Variants in CCDC171 observed in about 807,000 individuals in gnomAD.
CCDC171 encodes the protein coiled-coil domain containing 171.
Under a neutral mutation model 168.2 loss-of-function variants are expected in CCDC171, and 177 were observed. The observed-to-expected ratio is 1.05, with a 90% CI of 0.93 to 1.19. The LOEUF (loss-of-function observed/expected upper bound fraction) is 1.19, where lower values mean the gene tolerates loss of function less well. Among genes scored for constraint, CCDC171 ranks in the 50% most tolerant of loss-of-function variants. The probability of loss-of-function intolerance (pLI) is 0.00; values close to 1 mark genes in which losing one functional copy is unlikely to be tolerated. For synonymous variants in CCDC171, 687 were observed against 540.8 expected, an observed-to-expected ratio of 1.27 and a Z score of -3.75; for missense variants, 1,991 against 1,539.0, an observed-to-expected ratio of 1.29 and a Z score of -4.91.
chr9:15,987,756 A>AT lies in CCDC171; in HGVS notation n.369-32825dup, dbSNP rs1299398593. Reference sequence around the variant, plus strand: ...GGATGAGAAGTGTTTTAGATTTGGGATTTTTTTTCACATTTTGGAATATTT... The same window carrying AT: ...GGATGAGAAGTGTTTTAGATTTGGGATTTTTTTTTCACATTTTGGAATATTT... On this transcript the variant is annotated intron_variant and non_coding_transcript_variant, in intron 3 of 9. Coordinates refer to the CCDC171 transcript ENST00000486641. Among the ~76,000 whole-genome samples, 10 of 152,126 alleles carry AT rather than the reference A, an allele frequency of 6.6e-5. 1 individual carries two copies. In the East Asian group the frequency reaches 1.2e-3, roughly 18 times the overall value.
At chr9:15,962,828 C>G (rs74361613) in intron 25 of CCDC171, among the ~76,000 whole-genome samples, 1,945 of 150,874 alleles carry the variant, frequency 0.013, 60 homozygotes, top group African/African-American at 0.044. Flanking sequence ...ATTCTTTTTT[C>G]CAGAAAAAAT....
intron 25 of CCDC171, chr9:15,922,301 A>G (rs1456922120): frequency 1.1e-5 from 2 of 183,106 alleles, no homozygotes; most frequent in Non-Finnish European, 2.5e-5. Flanking sequence ...TAAAAATAAT[A>G]AACTTGTGTG....
chr9:15,695,951 T>A (rs748474425), intron 11 of CCDC171, among the ~76,000 whole-genome samples: 7 of 152,234 alleles, frequency 4.6e-5, no homozygotes, highest in Non-Finnish European at 1.0e-4. Context: ...AATGGCTGGC[T>A]AATGAATTCT....
At chr9:15,861,932 G>C (rs1161574914) in intron 23 of CCDC171, among the ~76,000 whole-genome samples, 2 of 151,904 alleles carry the variant, frequency 1.3e-5, no homozygotes, top group Non-Finnish European at 1.5e-5. Context: ...GTCTGTTAGT[G>C]ATGAACTTCC....
chr9:15,802,886 G>A (rs1205480410), intron 21 of CCDC171, among the ~76,000 whole-genome samples: 1 of 152,074 alleles, frequency 6.6e-6, no homozygotes, highest in Admixed American at 6.6e-5. Flanking sequence ...GTATAAAAAT[G>A]TTCCTTTTTC....
intron 11 of CCDC171, among the ~76,000 whole-genome samples, chr9:15,719,889 G>T (rs1037389473): frequency 9.2e-5 from 14 of 151,512 alleles, no homozygotes; most frequent in African/African-American, 3.4e-4. Flanking sequence ...TTTTCATCTT[G>T]TGCAAGAGAG....
In CCDC171 at chr9:15,817,624, C is replaced by T. The variant is rs568009991; in HGVS notation, c.3268-29078C>T. Among the ~76,000 whole-genome samples the T allele has an allele frequency of 8.2e-4, 97 of 118,178 alleles. 27 individuals carry two copies. Among genetic ancestry groups the T allele is most frequent in the African/African-American group, 3.0e-3 (96 of 31,538 alleles). The allele number at this position is 118,178 out of a possible 152,430, so 77.5% of individuals were successfully genotyped here. On this transcript the variant is annotated intron_variant, in intron 21 of 25. Coordinates refer to ENST00000380701, the MANE Select transcript of CCDC171 (RefSeq NM_173550.4). Reference sequence around the variant, plus strand: ...AGCACAGCAGTCTGAGATCAAACTGCGAGGTGGCAGGGAGGCTGGGGGAGG... The same window carrying T: ...AGCACAGCAGTCTGAGATCAAACTGTGAGGTGGCAGGGAGGCTGGGGGAGG...
chr9:15,591,343 A>G (rs1186689065), intron 4 of CCDC171, 23 bp from the exon 5 acceptor site: 3 of 1,437,342 alleles, frequency 2.1e-6, no homozygotes, highest in African/African-American at 1.4e-5. Context: ...TTGTAAATGT[A>G]CCTATTATTC....
intron 21 of CCDC171, among the ~76,000 whole-genome samples, chr9:15,838,233 A>C (rs1026634560): frequency 6.6e-6 from 1 of 152,206 alleles, no homozygotes; most frequent in Non-Finnish European, 1.5e-5. Flanking sequence ...CATATTAAGG[A>C]AAACTATTAT....
chr9:15,767,729 A>G (rs536750840), intron 18 of CCDC171, among the ~76,000 whole-genome samples: 7 of 150,518 alleles, frequency 4.7e-5, no homozygotes, highest in Non-Finnish European at 7.4e-5. Context: ...GATGCCCATG[A>G]TATTACTCCT....
Position 15,700,962 on chromosome 9 carries a change from G to A in CCDC171, c.1318+5625G>A, listed in dbSNP as rs1393127933. Among the ~76,000 whole-genome samples, 3 of 151,632 alleles carry A rather than the reference G, an allele frequency of 2.0e-5. No homozygotes were observed. The East Asian group carries it at 5.8e-4, about 29-fold the overall frequency. On this transcript the variant is annotated intron_variant, in intron 11 of 25. Coordinates refer to ENST00000380701, the MANE Select transcript of CCDC171 (RefSeq NM_173550.4). The stretch of plus-strand genomic sequence containing the variant: ...CTGTGGTGAGATGATATCTCATTGT[G>A]CTTTTGATTTGCGTTTCCCTAATTT...
At chr9:15,788,577 C>A (rs919514915) in intron 21 of CCDC171, among the ~76,000 whole-genome samples, 1 of 150,080 alleles carries the variant, frequency 6.7e-6, no homozygotes, top group Non-Finnish European at 1.5e-5. Context: ...TGTTTTAAAT[C>A]ATATGTTTTT....
intron 18 of CCDC171, among the ~76,000 whole-genome samples, chr9:15,774,611 A>G (rs1365102244): frequency 6.6e-6 from 1 of 152,188 alleles, no homozygotes; most frequent in Non-Finnish European, 1.5e-5. Context: ...CTACATATCT[A>G]CTCAGAGGAA....
intron 1 of CCDC171, among the ~76,000 whole-genome samples, chr9:16,052,651 C>G (rs141581798): frequency 0.013 from 1,987 of 152,264 alleles, 45 homozygotes; most frequent in African/African-American, 0.045. Flanking sequence ...GCCTCCCCAG[C>G]CAGGGCCCGG....
chr9:15,744,235 G>T (rs1166743822), intron 16 of CCDC171, 38 bp from the exon 17 acceptor site: 3 of 1,493,290 alleles, frequency 2.0e-6, no homozygotes, highest in South Asian at 1.4e-5. Flanking sequence ...ATGCCTGTTT[G>T]TTTCATGATC....
intron 1 of CCDC171, among the ~76,000 whole-genome samples, chr9:16,044,532 ATT>A (rs34154704): frequency 1.3e-3 from 186 of 145,508 alleles, no homozygotes; most frequent in Middle Eastern, 3.5e-3. Context: ...CTATTTAATA[ATT>A]TTTTTTTTTT....
chr9:15,646,066 A>G (rs1282420497), intron 7 of CCDC171, among the ~76,000 whole-genome samples: 1 of 152,238 alleles, frequency 6.6e-6, no homozygotes, highest in Non-Finnish European at 1.5e-5. Context: ...AAACTCTACA[A>G]GCCAGAAGAG....
intron 10 of CCDC171, among the ~76,000 whole-genome samples, chr9:15,684,346 A>T (rs1360128210): frequency 6.6e-6 from 1 of 152,066 alleles, no homozygotes; most frequent in Non-Finnish European, 1.5e-5. Flanking sequence ...TTCATTAAAA[A>T]AACCCATTGA....
exon 8 of CCDC171, chr9:16,036,127 C>G (rs760060320): frequency 6.6e-6 from 1 of 152,202 alleles, no homozygotes; most frequent in African/African-American, 2.4e-5. Flanking sequence ...CTCCACAGAC[C>G]AACAGGAAGT....
Sources: allele counts gnomAD v4.1 joint callset (sites outside exome capture counted in the v4.1 genomes callset), GRCh38; gene constraint gnomAD v4.1.1; transcripts MANE v1.5; gene names NCBI Gene and HGNC (gene_info 2026-07-23, HGNC 2026-07-21).